The following BTF3 variants were observed in gnomAD, a reference collection of about 807,000 sequenced individuals.
The protein encoded by BTF3 is basic transcription factor 3.
A neutral mutation model predicts 23.9 loss-of-function variants in BTF3; 12 were observed. That is an observed-to-expected ratio of 0.50 (90% CI 0.32 to 0.81). The LOEUF is 0.81. BTF3 is among the 40% of genes least tolerant of loss of function. The probability of loss-of-function intolerance (pLI) is 0.03; values close to 1 mark genes in which losing one functional copy is unlikely to be tolerated. For synonymous variants in BTF3, 96 were observed against 94.8 expected (o/e 1.01, Z -0.07); for missense variants, 215 against 255.9 (o/e 0.84, Z 1.09).
chr5:73,503,736 T>A (rs1453685721), intron 4 of BTF3, among the ~76,000 whole-genome samples: 1 of 152,228 alleles, frequency 6.6e-6, no homozygotes, highest in Admixed American at 6.5e-5. Flanking sequence ...ATTTTCATTT[T>A]TATTATCACA....
intron 1 of BTF3, 138 bp from the exon 2 acceptor site, chr5:73,498,996 C>T (rs1746367220): frequency 8.0e-7 from 1 of 1,250,958 alleles, no homozygotes; most frequent in South Asian, 1.6e-5. Context: ...AAATTTGGAG[C>T]TTTGCGGGGT....
Position 73,498,747 on chromosome 5 carries a change from C to T in BTF3, c.80C>T (p.Ala27Val). The T allele has an allele frequency of 6.7e-6, 10 of 1,491,918 alleles. No homozygotes were observed. The highest frequency in any genetic ancestry group is 8.8e-6 in the Non-Finnish European group (10 of 1,131,190). 92.4% of individuals were successfully genotyped at this position (1,491,918 alleles called of 1,614,324 possible). A position where few individuals can be genotyped will look rare whatever the true frequency, so the allele number is the denominator to read the frequency against. Reference sequence around the variant, plus strand: ...AGGGGCGGCTGCCCTGGGGGCGAGGCGACGCTGTCTCAACCTCCACCTCGC... The same window carrying T: ...AGGGGCGGCTGCCCTGGGGGCGAGGTGACGCTGTCTCAACCTCCACCTCGC... Reference protein sequence around the residue: ...RARGGCPGGEATLSQPPPRGG... With the variant: ...RARGGCPGGEVTLSQPPPRGG... Residue 27 changes from alanine (A) to valine (V), a missense_variant, in exon 1 of 6, where the codon GCG becomes GTG. Ala to Val is a moderately conservative substitution (Grantham distance 64, BLOSUM62 0). Coordinates refer to ENST00000380591, the MANE Select transcript of BTF3 (RefSeq NM_001037637.2).
At chr5:73,501,805 C>G (rs1420165116) in intron 2 of BTF3, among the ~76,000 whole-genome samples, 1 of 152,146 alleles carries the variant, frequency 6.6e-6, no homozygotes, top group African/African-American at 2.4e-5. Context: ...TATACAGATT[C>G]ATTTGATTGT....
At chr5:73,502,196 T>A (rs1466531114) in intron 2 of BTF3, among the ~76,000 whole-genome samples, 2 of 150,826 alleles carry the variant, frequency 1.3e-5, no homozygotes, top group African/African-American at 4.9e-5. Flanking sequence ...AGGTTAATAA[T>A]TCTGGATGTG....
rs529961101 is a variant in BTF3, at chr5:73,500,044, A to C, written c.201+842A>C. Among the ~76,000 whole-genome samples the C allele has an allele frequency of 2.0e-5, 3 of 152,364 alleles. No homozygotes were observed. The South Asian group carries it at 6.2e-4, about 32-fold the overall frequency. ...TTACCTTTTAGTTTTTCCCAACTTT[A>C]AGCGTTTAACTTAGAGTTAGCTGTG... is the stretch of plus-strand genomic sequence containing the variant. On this transcript the variant is annotated intron_variant, in intron 2 of 5. Coordinates refer to ENST00000380591, the MANE Select transcript of BTF3 (RefSeq NM_001037637.2).
intron 2 of BTF3, among the ~76,000 whole-genome samples, chr5:73,499,826 C>G (rs1034609585): frequency 1.3e-5 from 2 of 152,140 alleles, no homozygotes; most frequent in African/African-American, 4.8e-5. Context: ...GATACTGATT[C>G]ACATCAAGGG....
intron 5 of BTF3, chr5:73,504,898 C>T (rs1746521080): frequency 6.5e-6 from 2 of 306,498 alleles, no homozygotes; most frequent in African/African-American, 2.2e-5. Context: ...TCACTGGACT[C>T]ATAAATATTC....
intron 3 of BTF3, 117 bp downstream of exon 3, chr5:73,502,718 ATG>A: frequency 1.2e-6 from 1 of 831,514 alleles, no homozygotes; most frequent in Non-Finnish European, 1.9e-6. Context: ...AGTCCCTAAG[ATG>A]TGTTTCTACC....
chr5:73,504,046 G>A (rs1007790935), intron 4 of BTF3, among the ~76,000 whole-genome samples: 2 of 152,102 alleles, frequency 1.3e-5, no homozygotes, highest in African/African-American at 4.8e-5. Context: ...GGTTTTACCT[G>A]CACTCTAAGA....
chr5:73,498,530 C>T lies in BTF3; in HGVS notation c.-138C>T, dbSNP rs1189963374. ...CCCCTTGAGCACCAACCCTAGTCCC[C>T]CGCGCGGCCCCTTATTCGCTCCGAC... On this transcript the variant is annotated 5_prime_UTR_variant, in exon 1 of 6. Coordinates refer to ENST00000380591, the MANE Select transcript of BTF3 (RefSeq NM_001037637.2). 1.5e-6 allele frequency: 2 copies of T among 1,303,368 alleles called. No individual in the cohort carries two copies. The highest frequency in any genetic ancestry group is 1.6e-5 in the African/African-American group (1 of 63,694). The allele number at this position is 1,303,368 out of a possible 1,614,324, so 80.7% of individuals were successfully genotyped here.
intron 4 of BTF3, among the ~76,000 whole-genome samples, 178 bp downstream of exon 4, chr5:73,503,295 G>T (rs960854224): frequency 6.6e-6 from 1 of 152,168 alleles, no homozygotes; most frequent in Non-Finnish European, 1.5e-5. Context: ...AATTGATGTA[G>T]CGTGCCATGA....
At chr5:73,502,158 C>CAAAA (rs148360172) in intron 2 of BTF3, among the ~76,000 whole-genome samples, 29 of 77,030 alleles carry the variant, frequency 3.8e-4, no homozygotes, top group African/African-American at 9.9e-4. Context: ...GACCCTGTCT[C>CAAAA]AAAAAAAAAA....
intron 5 of BTF3, 55 bp downstream of exon 5, chr5:73,504,458 A>C (rs1278518869): frequency 7.4e-6 from 11 of 1,492,354 alleles, no homozygotes; most frequent in African/African-American, 1.4e-5. Flanking sequence ...GAGAATAAGA[A>C]ATCTTTGTAG....
chr5:73,504,488 A>C, intron 5 of BTF3, 85 bp downstream of exon 5: 1 of 1,054,138 alleles, frequency 9.5e-7, no homozygotes, highest in Non-Finnish European at 1.4e-6. Flanking sequence ...CCCAGGGAAG[A>C]GGGGTGGTAA....
At chr5:73,499,393 C>T (rs1430920892) in intron 2 of BTF3, 191 bp downstream of exon 2, 6 of 695,968 alleles carry the variant, frequency 8.6e-6, no homozygotes, top group Non-Finnish European at 1.6e-5. Context: ...GAGCTAAAAA[C>T]ATCGCCTTTG....
At chr5:73,499,080 G>A in intron 1 of BTF3, 54 bp from the exon 2 acceptor site, 2 of 1,516,670 alleles carry the variant, frequency 1.3e-6, no homozygotes, top group South Asian at 1.2e-5. Context: ...TAACGAGCAT[G>A]GAATGCTAGA....
In BTF3 at chr5:73,500,908, T is replaced by G. The variant is rs376399095; in HGVS notation, c.202-1580T>G. 2.5e-4 allele frequency among the ~76,000 whole-genome samples: 38 copies of G among 152,020 alleles called. No individual in the cohort carries two copies. In the East Asian group the frequency reaches 6.8e-3, roughly 27 times the overall value. The stretch of plus-strand genomic sequence containing the variant: ...AAAGTGATTTTTGTACTTAATAGTT[T>G]GGAGAGGTTAGTAACCAGTACTTTT... On this transcript the variant is annotated intron_variant, in intron 2 of 5. Transcript: ENST00000380591.
At position 73,502,993 on chromosome 5, in the gene BTF3, T is replaced by G. The variant is rs951669972; in HGVS notation, c.393T>G (p.Thr131=). Residue 131 remains threonine (T), a synonymous_variant, in exon 4 of 6, where the codon ACT becomes ACG. Coordinates refer to ENST00000380591, the MANE Select transcript of BTF3 (RefSeq NM_001037637.2). ...PKVQASLAAN[T]FTITGHAETK... ...TTCAGGCATCTCTGGCAGCGAACACTTTCACCATTACAGGCCATGCTGAGA... is the reference window on the plus strand; with the variant it reads ...TTCAGGCATCTCTGGCAGCGAACACGTTCACCATTACAGGCCATGCTGAGA... 2.5e-6 allele frequency: 4 copies of G among 1,613,610 alleles called. No individual in the cohort carries two copies. In the African/African-American group the frequency reaches 5.3e-5, roughly 22 times the overall value.
chr5:73,503,045 A>G lies in BTF3; in HGVS notation c.445A>G (p.Ser149Gly). Residue 149 changes from serine (S) to glycine (G), a missense_variant, in exon 4 of 6, where the codon AGC becomes GGC. Ser to Gly is a moderately conservative substitution (Grantham distance 56). Coordinates refer to ENST00000380591, the MANE Select transcript of BTF3 (RefSeq NM_001037637.2). The stretch of plus-strand genomic sequence containing the variant: ...AAAGCAGCTGACAGAAATGCTACCC[A>G]GCATCTTAAACCAGCTTGGTGCGGA... ...ETKQLTEMLP[S>G]ILNQLGADSL... The G allele has an allele frequency of 6.2e-7, 1 of 1,614,064 alleles. No homozygotes were observed. The highest frequency in any genetic ancestry group is 8.5e-7 in the Non-Finnish European group (1 of 1,179,952).
Sources: allele counts gnomAD v4.1 joint callset (sites outside exome capture counted in the v4.1 genomes callset), GRCh38; gene constraint gnomAD v4.1.1; transcripts MANE v1.5; gene names NCBI Gene and HGNC (gene_info 2026-07-23, HGNC 2026-07-21).